PIK3AP1: variants seen among roughly 807,000 people sequenced by gnomAD.
PIK3AP1 encodes phosphoinositide 3-kinase adapter protein 1.
Under a neutral mutation model 88.1 loss-of-function variants are expected in PIK3AP1, and 21 were observed. The observed-to-expected ratio is 0.24, with a 90% CI of 0.17 to 0.34. The LOEUF (loss-of-function observed/expected upper bound fraction) is 0.34. Ranked by LOEUF, PIK3AP1 falls within the 10% of genes least tolerant of loss-of-function variation. The pLI is 1.00. For synonymous variants in PIK3AP1, 398 were observed against 400.0 expected (o/e 1.00, Z 0.06); for missense variants, 828 against 1,035.7 (o/e 0.80, Z 2.75).
intron 2 of PIK3AP1, among the ~76,000 whole-genome samples, chr10:96,664,804 C>T (rs567678759): frequency 2.6e-5 from 4 of 152,276 alleles, no homozygotes; most frequent in South Asian, 2.1e-4. Flanking sequence ...ATTCTGGTGG[C>T]GCTGATTGAC....
intron 12 of PIK3AP1, chr10:96,619,342 CG>C (rs1843045398): frequency 6.6e-6 from 1 of 152,188 alleles, no homozygotes; most frequent in African/African-American, 2.4e-5. Context: ...TGTCAGATAG[CG>C]TAAGAACAGA....
At chr10:96,596,351 C>T (rs536975278) in intron 16 of PIK3AP1, among the ~76,000 whole-genome samples, 2 of 152,360 alleles carry the variant, frequency 1.3e-5, no homozygotes, top group East Asian at 3.9e-4. Context: ...CCTCTGCCTC[C>T]TCACTGGCCC....
intron 16 of PIK3AP1, 132 bp from the exon 17 acceptor site, chr10:96,595,766 G>A (rs1848743787): frequency 7.4e-6 from 6 of 814,562 alleles, no homozygotes; most frequent in Non-Finnish European, 1.2e-5. Flanking sequence ...ACACACATAT[G>A]AATGTATGAG....
intron 16 of PIK3AP1, among the ~76,000 whole-genome samples, chr10:96,601,760 TG>T (rs1266547561): frequency 1.3e-5 from 2 of 152,240 alleles, no homozygotes; most frequent in African/African-American, 4.8e-5. Flanking sequence ...CATTTTTCAA[TG>T]TATTTCATTT....
At chr10:96,700,934 C>G (rs1589546120) in intron 2 of PIK3AP1, 1 of 903,908 alleles carries the variant, frequency 1.1e-6, no homozygotes. Context: ...CTTGGGACTA[C>G]TGTGCCCATA....
chr10:96,705,993 A>C (rs1844358866), intron 2 of PIK3AP1, among the ~76,000 whole-genome samples: 1 of 138,876 alleles, frequency 7.2e-6, no homozygotes, highest in African/African-American at 2.8e-5. Context: ...TCCCAGGTTC[A>C]CGCCATTCTC....
Position 96,652,746 on chromosome 10 carries a change from T to A in PIK3AP1, c.664A>T (p.Met222Leu), listed in dbSNP as rs774215325. The A allele has an allele frequency of 1.5e-5, 24 of 1,614,034 alleles. No homozygotes were observed. Among genetic ancestry groups the A allele is most frequent in the African/African-American group, 2.7e-5 (2 of 74,910 alleles). Residue 222 changes from methionine to leucine, a missense_variant, in exon 4 of 17, where the codon ATG becomes TTG. Physicochemically the swap from Met to Leu is conservative, Grantham distance 15. Transcript: ENST00000339364. Reference protein sequence around the residue: ...FSPEDSPSVRMEAKVENEYTI... With the variant: ...FSPEDSPSVRLEAKVENEYTI... ...TACTCATTCTCCACCTTGGCTTCCATCCTTACAGAGGGAGAATCCTCAGGA... is the reference window on the plus strand; with the variant it reads ...TACTCATTCTCCACCTTGGCTTCCAACCTTACAGAGGGAGAATCCTCAGGA...
chr10:96,630,352 G>A (rs1352011398), intron 8 of PIK3AP1, among the ~76,000 whole-genome samples: 1 of 152,178 alleles, frequency 6.6e-6, no homozygotes, highest in Non-Finnish European at 1.5e-5. Flanking sequence ...TAACAGACTA[G>A]AAAGTTTAGG....
chr10:96,694,636 C>T (rs908253062), intron 2 of PIK3AP1, among the ~76,000 whole-genome samples: 9 of 151,144 alleles, frequency 6.0e-5, no homozygotes, highest in South Asian at 2.1e-4. Flanking sequence ...TGAGCTCAAG[C>T]GATCCTCCCA....
chr10:96,629,527 T>C (rs1843208530), intron 8 of PIK3AP1, among the ~76,000 whole-genome samples: 2 of 151,884 alleles, frequency 1.3e-5, no homozygotes, highest in African/African-American at 4.8e-5. Flanking sequence ...ATAATTAATA[T>C]GCTACCCAAA....
At chr10:96,671,576 G>A (rs1843847395) in intron 2 of PIK3AP1, among the ~76,000 whole-genome samples, 1 of 152,164 alleles carries the variant, frequency 6.6e-6, no homozygotes, top group Non-Finnish European at 1.5e-5. Context: ...ATGTCTTACT[G>A]ACACTGAAGT....
chr10:96,640,840 T>A (rs953501711), intron 8 of PIK3AP1, among the ~76,000 whole-genome samples: 8 of 150,866 alleles, frequency 5.3e-5, no homozygotes, highest in South Asian at 2.1e-4. Context: ...AAAAAAAAAT[T>A]TTTGTAGAAA....
intron 2 of PIK3AP1, among the ~76,000 whole-genome samples, chr10:96,663,715 ATCT>A (rs1360762079): frequency 6.6e-6 from 1 of 151,954 alleles, no homozygotes; most frequent in Non-Finnish European, 1.5e-5. Flanking sequence ...TAAGGGGCTA[ATCT>A]TCTTAATATA....
At chr10:96,714,822 A>T (rs1844481362) in intron 1 of PIK3AP1, among the ~76,000 whole-genome samples, 1 of 152,272 alleles carries the variant, frequency 6.6e-6, no homozygotes, top group Non-Finnish European at 1.5e-5. Flanking sequence ...CATAAAAGAA[A>T]TATACAGGAG....
intron 7 of PIK3AP1, among the ~76,000 whole-genome samples, chr10:96,646,105 C>T (rs147169570): frequency 0.023 from 3,505 of 152,122 alleles, 67 homozygotes; most frequent in Non-Finnish European, 0.029. Flanking sequence ...ACTAAAAATA[C>T]AAAAATTAGC....
At chr10:96,646,136 T>A (rs1385431639) in intron 7 of PIK3AP1, among the ~76,000 whole-genome samples, 1 of 152,084 alleles carries the variant, frequency 6.6e-6, no homozygotes, top group Non-Finnish European at 1.5e-5. Flanking sequence ...GGAGCACGCT[T>A]GGAATCCCAG....
At chr10:96,689,178 G>GC (rs1564984787) in intron 2 of PIK3AP1, among the ~76,000 whole-genome samples, 1 of 152,052 alleles carries the variant, frequency 6.6e-6, no homozygotes, top group East Asian at 1.9e-4. Context: ...AAATGCAAAC[G>GC]CATCCTGTGC....
chr10:96,598,053 T>TTG (rs1564948600), intron 16 of PIK3AP1, among the ~76,000 whole-genome samples: 15 of 150,046 alleles, frequency 1.0e-4, no homozygotes, highest in African/African-American at 3.7e-4. Flanking sequence ...TGTTTTTTTT[T>TTG]TTTTTTTTGA....
intron 2 of PIK3AP1, among the ~76,000 whole-genome samples, chr10:96,671,688 C>A (rs148456699): frequency 1.4e-3 from 220 of 152,188 alleles, no homozygotes; most frequent in African/African-American, 4.8e-3. Flanking sequence ...TCATCATCAT[C>A]CTCATGATGC....
Sources: gnomAD v4.1 joint callset for allele counts (sites outside exome capture counted in the v4.1 genomes callset) on GRCh38, gnomAD v4.1.1 for gene constraint, MANE v1.5 for transcripts, NCBI Gene and HGNC (gene_info 2026-07-23, HGNC 2026-07-21) for gene names.